The following MRPL13 variants were observed in gnomAD, a reference collection of about 807,000 sequenced individuals.
MRPL13 encodes the protein mitochondrial ribosomal protein L13, also known as large ribosomal subunit protein uL13m.
MRPL13 carries 33 observed loss-of-function variants against 29.0 expected under a neutral mutation model. The observed-to-expected ratio is 1.14, with a 90% CI of 0.86 to 1.52. The LOEUF is 1.52. Ranked by LOEUF, MRPL13 falls within the 40% of genes most tolerant of loss-of-function variation. The probability of loss-of-function intolerance (pLI) is 0.00; values close to 1 mark genes in which losing one functional copy is unlikely to be tolerated. For missense variants in MRPL13, 227 were observed against 216.7 expected, an observed-to-expected ratio of 1.05 and a Z score of -0.30; for synonymous variants, 77 against 68.4, an observed-to-expected ratio of 1.13 and a Z score of -0.62.
intron 3 of MRPL13, among the ~76,000 whole-genome samples, chr8:120,431,504 A>G (rs1173023507): frequency 6.6e-6 from 1 of 152,228 alleles, no homozygotes; most frequent in Non-Finnish European, 1.5e-5. Context: ...GTAAACTCAA[A>G]TACAGAAATA....
intron 3 of MRPL13, among the ~76,000 whole-genome samples, chr8:120,426,964 G>A (rs1473985285): frequency 6.6e-6 from 1 of 151,916 alleles, no homozygotes; most frequent in African/African-American, 2.4e-5. Context: ...AGTTCAAGGT[G>A]CACACACACC....
At chr8:120,433,629 T>C (rs1272823751) in intron 2 of MRPL13, among the ~76,000 whole-genome samples, 1 of 152,082 alleles carries the variant, frequency 6.6e-6, no homozygotes, top group African/African-American at 2.4e-5. Context: ...TCACATCTAA[T>C]CTGGGAAAAA....
At chr8:120,400,741 T>TAAAAAA (rs200517890) in intron 6 of MRPL13, among the ~76,000 whole-genome samples, 2 of 83,098 alleles carry the variant, frequency 2.4e-5, no homozygotes, top group African/African-American at 7.9e-5. Flanking sequence ...AATAAATAAA[T>TAAAAAA]AAAAAAAATA....
intron 1 of MRPL13, among the ~76,000 whole-genome samples, chr8:120,444,624 A>G (rs1234348517): frequency 1.3e-5 from 2 of 152,080 alleles, no homozygotes; most frequent in East Asian, 3.9e-4. Context: ...TCTGTCCTCT[A>G]CTAACCCCTA....
At chr8:120,402,696 T>C (rs929206928) in intron 6 of MRPL13, among the ~76,000 whole-genome samples, 1 of 152,106 alleles carries the variant, frequency 6.6e-6, no homozygotes, top group African/African-American at 2.4e-5. Context: ...TAAACTAGCA[T>C]CAGAGTCAAC....
intron 4 of MRPL13, among the ~76,000 whole-genome samples, chr8:120,421,205 T>A (rs1194789142): frequency 6.6e-6 from 1 of 151,268 alleles, no homozygotes; most frequent in African/African-American, 2.4e-5. Context: ...AGGGGAAAAA[T>A]CAAATAGAGG....
chr8:120,413,320 A>C (rs567709567), intron 6 of MRPL13, among the ~76,000 whole-genome samples: 2 of 152,338 alleles, frequency 1.3e-5, no homozygotes, highest in South Asian at 4.1e-4. Flanking sequence ...ACAGATAGTA[A>C]ACAGATAATC....
chr8:120,407,570 C>T (rs530388998), intron 6 of MRPL13, among the ~76,000 whole-genome samples: 5 of 151,804 alleles, frequency 3.3e-5, no homozygotes, highest in South Asian at 4.2e-4. Context: ...TGCTTGAACC[C>T]GGGAGGCAGA....
At chr8:120,443,422 G>A (rs890310496) in intron 1 of MRPL13, 114 bp from the exon 2 acceptor site, 1 of 1,016,750 alleles carries the variant, frequency 9.8e-7, no homozygotes, top group Non-Finnish European at 1.3e-6. Flanking sequence ...TACAATTAAT[G>A]TCAACAATTT....
Position 120,420,474 on chromosome 8 carries a change from A to G in MRPL13, c.307-536T>C, listed in dbSNP as rs545332308. Among the ~76,000 whole-genome samples the G allele has an allele frequency of 1.4e-4, 20 of 147,674 alleles. No individual in the cohort carries two copies. The South Asian group carries it at 4.2e-3, about 31-fold the overall frequency. ...TATATAAACATATATATAAACATAT[A>G]TAAATATATATAAAATATATATAAA... On this transcript the variant is annotated intron_variant, in intron 4 of 6. Coordinates refer to ENST00000306185, the MANE Select transcript of MRPL13 (RefSeq NM_014078.6).
At chr8:120,412,904 C>T (rs72678264) in intron 6 of MRPL13, among the ~76,000 whole-genome samples, 5,262 of 152,122 alleles carry the variant, frequency 0.035, 134 homozygotes, top group African/African-American at 0.07. Flanking sequence ...CTTTATCTCT[C>T]TGTGCCCATA....
At chr8:120,415,927 A>C (rs1417934876) in intron 5 of MRPL13, 1 of 152,222 alleles carries the variant, frequency 6.6e-6, no homozygotes, top group African/African-American at 2.4e-5. Context: ...CAATTTCAAA[A>C]AGCTGCTAAG....
In MRPL13 at chr8:120,425,317, C is replaced by T; in HGVS notation, c.295G>A (p.Asp99Asn). 1.9e-6 allele frequency: 3 copies of T among 1,612,010 alleles called. No individual in the cohort carries two copies. The highest frequency in any genetic ancestry group is 2.5e-6 in the Non-Finnish European group (3 of 1,178,648). ...QVTAAQLHLRDPVAIVKLAIY... is the reference protein window; with the variant it reads ...QVTAAQLHLRNPVAIVKLAIY... ...TACAAGAAACTTACTGCCACTGGAT[C>T]CCTCAGGTGAAGCTGAGCAGCTGTT... The change falls in exon 4 of 7, where the codon GAT (aspartate) becomes AAT (asparagine). Residue 99 changes from aspartate to asparagine, a missense_variant. Coordinates refer to ENST00000306185, the MANE Select transcript of MRPL13 (RefSeq NM_014078.6).
At chr8:120,440,693 CAATT>C (rs1347594262) in intron 2 of MRPL13, among the ~76,000 whole-genome samples, 2 of 149,500 alleles carry the variant, frequency 1.3e-5, no homozygotes, top group Admixed American at 1.3e-4. Flanking sequence ...TTGACAGAAA[CAATT>C]AATAGTAAAA....
intron 3 of MRPL13, 38 bp from the exon 4 acceptor site, chr8:120,425,404 G>C (rs1469651726): frequency 7.3e-7 from 1 of 1,375,258 alleles, no homozygotes; most frequent in African/African-American, 1.4e-5. Flanking sequence ...CTGGGCATAG[G>C]CTGATACTGT....
intron 4 of MRPL13, among the ~76,000 whole-genome samples, chr8:120,420,597 G>A (rs1178701890): frequency 6.6e-6 from 1 of 151,190 alleles, no homozygotes; most frequent in Non-Finnish European, 1.5e-5. Flanking sequence ...CATGTAGCTA[G>A]TGGCTACCAT....
At chr8:120,403,616 T>TACCCTGGAA (rs1251374835) in intron 6 of MRPL13, among the ~76,000 whole-genome samples, 1 of 152,176 alleles carries the variant, frequency 6.6e-6, no homozygotes, top group African/African-American at 2.4e-5. Context: ...CCTGCACGTG[T>TACCCTGGAA]ACCCTGGAAC....
At chr8:120,398,135 C>CA (rs1157768964) in intron 6 of MRPL13, among the ~76,000 whole-genome samples, 1 of 152,164 alleles carries the variant, frequency 6.6e-6, no homozygotes, top group East Asian at 1.9e-4. Context: ...CCTACTCTAC[C>CA]AAAAAGCAGC....
intron 1 of MRPL13, 196 bp downstream of exon 1, chr8:120,444,872 A>G: frequency 2.5e-6 from 1 of 402,916 alleles, no homozygotes; most frequent in Non-Finnish European, 4.8e-6. Flanking sequence ...GATTGAAAAG[A>G]AGAGGGGACG....
Sources: allele counts gnomAD v4.1 joint callset (sites outside exome capture counted in the v4.1 genomes callset), GRCh38; gene constraint gnomAD v4.1.1; transcripts MANE v1.5; gene names NCBI Gene and HGNC (gene_info 2026-07-23, HGNC 2026-07-21).